Variants in BBX observed in about 807,000 individuals in gnomAD.
BBX encodes the protein BBX high mobility group box domain containing.
In BBX, 30 loss-of-function variants were observed where a neutral mutation model predicts 100.2. The ratio of observed to expected loss-of-function variants is 0.30; its 90% CI spans 0.22 to 0.41. BBX has a LOEUF of 0.41. BBX is among the 10% of genes least tolerant of loss of function. The pLI, the probability that BBX is intolerant of heterozygous loss-of-function variation, is 1.00. For synonymous variants in BBX, 376 were observed against 388.1 expected, an observed-to-expected ratio of 0.97 and a Z score of 0.37; for missense variants, 1,023 against 1,129.8, an observed-to-expected ratio of 0.91 and a Z score of 1.35.
At chr3:107,718,008 A>G (rs1300174927) in intron 5 of BBX, among the ~76,000 whole-genome samples, 1 of 151,894 alleles carries the variant, frequency 6.6e-6, no homozygotes, top group Non-Finnish European at 1.5e-5. Context: ...TGAAAAAATA[A>G]TTCTTCCAGG....
intron 2 of BBX, among the ~76,000 whole-genome samples, chr3:107,587,474 T>A (rs1367878725): frequency 6.6e-6 from 1 of 152,212 alleles, no homozygotes; most frequent in Non-Finnish European, 1.5e-5. Context: ...TTCTCACAAT[T>A]CCTAAAGAAT....
rs560389054 is a variant in BBX, at chr3:107,811,253, A to G, written c.*5796A>G. 1 of 152,354 alleles carries G rather than the reference A, an allele frequency of 6.6e-6. No individual in the cohort carries two copies. The highest frequency in any genetic ancestry group is 2.1e-4 in the South Asian group (1 of 4,826). 9.4% of individuals were successfully genotyped at this position (152,354 alleles called of 1,614,324 possible). ...ATGTTCACACTACTGGCCGTAGAGT[A>G]TGTGCCTTTAATGTACCATTTTCAC... On this transcript the variant is annotated 3_prime_UTR_variant, in exon 18 of 18. Coordinates refer to ENST00000325805, the MANE Select transcript of BBX (RefSeq NM_001142568.3).
intron 2 of BBX, among the ~76,000 whole-genome samples, chr3:107,584,002 TTA>T (rs1374942235): frequency 4.5e-5 from 4 of 88,452 alleles, no homozygotes; most frequent in Admixed American, 1.8e-4. Context: ...TATTATATTA[TTA>T]TATATATTAT....
intron 15 of BBX, among the ~76,000 whole-genome samples, chr3:107,794,086 C>T (rs1046255251): frequency 2.6e-5 from 4 of 152,110 alleles, no homozygotes; most frequent in Non-Finnish European, 5.9e-5. Context: ...TTTATCTTTC[C>T]ACCTAGTTAT....
At chr3:107,651,001 T>C (rs2057806247) in intron 3 of BBX, among the ~76,000 whole-genome samples, 1 of 152,166 alleles carries the variant, frequency 6.6e-6, no homozygotes, top group Admixed American at 6.5e-5. Context: ...CAGCGAGCTC[T>C]AGTGTCTCTT....
intron 2 of BBX, among the ~76,000 whole-genome samples, chr3:107,581,879 C>T (rs2052305123): frequency 1.3e-5 from 2 of 151,976 alleles, no homozygotes; most frequent in African/African-American, 4.8e-5. Context: ...CATTAGAATG[C>T]TTTTTTTAAA....
At chr3:107,664,516 T>C (rs1291376144) in intron 3 of BBX, among the ~76,000 whole-genome samples, 1 of 152,264 alleles carries the variant, frequency 6.6e-6, no homozygotes, top group Non-Finnish European at 1.5e-5. Flanking sequence ...AAAACCCTGA[T>C]GACCCTCATT....
intron 3 of BBX, chr3:107,661,957 G>A: frequency 1.1e-6 from 1 of 949,072 alleles, no homozygotes; most frequent in Non-Finnish European, 1.3e-6. Context: ...AAGTCATTCA[G>A]CATTTGTTAA....
At chr3:107,716,514 A>G in intron 4 of BBX, 93 bp from the exon 5 acceptor site, 1 of 1,469,740 alleles carries the variant, frequency 6.8e-7, no homozygotes, top group South Asian at 1.3e-5. Flanking sequence ...AATGGAGCTA[A>G]GAAAAAAATA....
intron 3 of BBX, among the ~76,000 whole-genome samples, chr3:107,695,316 T>C (rs1320327514): frequency 1.7e-5 from 2 of 118,972 alleles, no homozygotes; most frequent in African/African-American, 7.4e-5. Context: ...CTTTCCTGCT[T>C]TCTCTTGTGG....
chr3:107,540,252 T>C (rs2048772140), intron 2 of BBX, among the ~76,000 whole-genome samples: 2 of 152,190 alleles, frequency 1.3e-5, no homozygotes, highest in South Asian at 4.1e-4. Flanking sequence ...GGCAGAAAGA[T>C]GCAGCCCATG....
At chr3:107,775,395 C>T (rs1227668948) in intron 12 of BBX, among the ~76,000 whole-genome samples, 1 of 151,954 alleles carries the variant, frequency 6.6e-6, no homozygotes. Flanking sequence ...CAGTATTAAG[C>T]AATGGCATGC....
intron 17 of BBX, among the ~76,000 whole-genome samples, chr3:107,803,957 T>TC (rs1404143402): frequency 6.6e-6 from 1 of 151,430 alleles, no homozygotes; most frequent in African/African-American, 2.4e-5. Context: ...TTTTTTGTTT[T>TC]TTTTTTTCCT....
chr3:107,688,841 A>G (rs2059993274), intron 3 of BBX, among the ~76,000 whole-genome samples: 2 of 152,202 alleles, frequency 1.3e-5, no homozygotes, highest in Non-Finnish European at 1.5e-5. Flanking sequence ...GAGCTATGAA[A>G]GAATTTGCCC....
intron 3 of BBX, among the ~76,000 whole-genome samples, chr3:107,691,846 C>T (rs185414407): frequency 6.6e-6 from 1 of 152,220 alleles, no homozygotes; most frequent in East Asian, 1.9e-4. Flanking sequence ...AGTAGGTGGG[C>T]GTTGCAGCAG....
In BBX at chr3:107,541,103, A is replaced by G. The variant is rs995506764; in HGVS notation, c.-84+14705A>G. 5.3e-5 allele frequency among the ~76,000 whole-genome samples: 8 copies of G among 152,090 alleles called. No individual in the cohort carries two copies. In the South Asian group the frequency reaches 8.3e-4, roughly 16 times the overall value. On this transcript the variant is annotated intron_variant, in intron 2 of 17. Coordinates refer to ENST00000325805, the MANE Select transcript of BBX (RefSeq NM_001142568.3). ...CTTGTTATTGCAACTTAGACTTTAC[A>G]TTGTGATTTCACTGACGTTGCTTTG...
chr3:107,565,630 C>T (rs907084342), intron 2 of BBX, among the ~76,000 whole-genome samples: 23 of 151,456 alleles, frequency 1.5e-4, no homozygotes, highest in Admixed American at 1.1e-3. Flanking sequence ...CCACCATGCC[C>T]GGATAATTTT....
At chr3:107,573,101 G>C (rs1241685225) in intron 2 of BBX, among the ~76,000 whole-genome samples, 1 of 152,096 alleles carries the variant, frequency 6.6e-6, no homozygotes, top group African/African-American at 2.4e-5. Flanking sequence ...GTGTTTCAAA[G>C]TTATGATTCT....
intron 3 of BBX, among the ~76,000 whole-genome samples, chr3:107,689,838 G>T (rs1383956963): frequency 6.6e-6 from 1 of 152,130 alleles, no homozygotes; most frequent in East Asian, 1.9e-4. Flanking sequence ...ATGGAAGAAA[G>T]TACCTGTGTT....
Sources: allele counts gnomAD v4.1 joint callset (sites outside exome capture counted in the v4.1 genomes callset), GRCh38; gene constraint gnomAD v4.1.1; transcripts MANE v1.5; gene names NCBI Gene and HGNC (gene_info 2026-07-23, HGNC 2026-07-21).